Variants in CLSTN2 observed in about 807,000 individuals in gnomAD.
The protein encoded by CLSTN2 is calsyntenin 2.
Under a neutral mutation model 101.2 loss-of-function variants are expected in CLSTN2, and 48 were observed. That is an observed-to-expected ratio of 0.47 (90% CI 0.38 to 0.60). The LOEUF is 0.60. Among genes scored for constraint, CLSTN2 ranks in the 20% least tolerant of loss-of-function variants. CLSTN2 has a pLI of 0.00. For missense variants in CLSTN2, 1,160 were observed against 1,238.2 expected (o/e 0.94, Z 0.95); for synonymous variants, 481 against 463.6 (o/e 1.04, Z -0.48).
chr3:140,258,514 T>G (rs1327215759), intron 2 of CLSTN2, among the ~76,000 whole-genome samples: 1 of 152,230 alleles, frequency 6.6e-6, no homozygotes, highest in Non-Finnish European at 1.5e-5. Flanking sequence ...GCAGTGAATG[T>G]GTCACAATGA....
intron 2 of CLSTN2, among the ~76,000 whole-genome samples, chr3:140,228,329 A>G (rs2086341182): frequency 6.6e-6 from 1 of 152,196 alleles, no homozygotes; most frequent in Non-Finnish European, 1.5e-5. Flanking sequence ...AAACATAACA[A>G]GAGTCACCTT....
intron 1 of CLSTN2, among the ~76,000 whole-genome samples, chr3:139,999,023 C>T (rs2006758391): frequency 6.6e-6 from 1 of 152,004 alleles, no homozygotes; most frequent in Non-Finnish European, 1.5e-5. Context: ...TTTAATGACC[C>T]CATTATGTTT....
At chr3:140,342,267 C>T (rs995828617) in intron 2 of CLSTN2, among the ~76,000 whole-genome samples, 1 of 152,192 alleles carries the variant, frequency 6.6e-6, no homozygotes, top group African/African-American at 2.4e-5. Context: ...CGGCCCCTGC[C>T]CACTAGATGA....
intron 4 of CLSTN2, among the ~76,000 whole-genome samples, chr3:140,406,332 TG>T (rs2088301435): frequency 6.6e-6 from 1 of 152,150 alleles, no homozygotes; most frequent in Non-Finnish European, 1.5e-5. Flanking sequence ...GAATCAGTCT[TG>T]GAAGACAGAA....
intron 1 of CLSTN2, among the ~76,000 whole-genome samples, chr3:140,171,307 A>G (rs1045872841): frequency 1.3e-5 from 2 of 152,034 alleles, no homozygotes; most frequent in Non-Finnish European, 2.9e-5. Flanking sequence ...GCATGGTCCA[A>G]TCTGTAAAAA....
At chr3:140,151,036 G>A (rs1284610294) in intron 1 of CLSTN2, among the ~76,000 whole-genome samples, 3 of 151,992 alleles carry the variant, frequency 2.0e-5, no homozygotes, top group Non-Finnish European at 2.9e-5. Context: ...ACAATGGAAG[G>A]CCTGTACCTG....
chr3:140,251,414 G>A (rs2086562572), intron 2 of CLSTN2, among the ~76,000 whole-genome samples: 1 of 152,132 alleles, frequency 6.6e-6, no homozygotes, highest in Non-Finnish European at 1.5e-5. Context: ...CGCATATTTT[G>A]TGACTAAGAG....
intron 8 of CLSTN2, among the ~76,000 whole-genome samples, chr3:140,506,424 G>T (rs558585606): frequency 4.6e-5 from 7 of 152,108 alleles, no homozygotes; most frequent in Non-Finnish European, 8.8e-5. Flanking sequence ...TTATGATGCT[G>T]CCCTGGAACC....
chr3:140,273,695 G>A (rs1255220152), intron 2 of CLSTN2, among the ~76,000 whole-genome samples: 5 of 152,042 alleles, frequency 3.3e-5, no homozygotes, highest in East Asian at 3.9e-4. Context: ...GGGCCTCCTC[G>A]TCAGCCAACA....
intron 2 of CLSTN2, among the ~76,000 whole-genome samples, chr3:140,363,225 C>T (rs980964531): frequency 1.3e-5 from 2 of 152,092 alleles, no homozygotes; most frequent in East Asian, 3.8e-4. Flanking sequence ...AAGTTAATCA[C>T]AGTAGACTAC....
chr3:139,987,351 A>G (rs1936042516), intron 1 of CLSTN2, among the ~76,000 whole-genome samples: 1 of 152,228 alleles, frequency 6.6e-6, no homozygotes, highest in Admixed American at 6.5e-5. Context: ...AGAAATGGAC[A>G]AGAGCTTATA....
chr3:140,490,868 A>G (rs1261825245), intron 8 of CLSTN2, among the ~76,000 whole-genome samples: 1 of 152,184 alleles, frequency 6.6e-6, no homozygotes, highest in African/African-American at 2.4e-5. Context: ...TGAATGGCTG[A>G]TAAGAGCGGC....
At chr3:140,042,966 TAGTGCCACAATAAACATACG>T (rs2007792253) in intron 1 of CLSTN2, among the ~76,000 whole-genome samples, 1 of 152,222 alleles carries the variant, frequency 6.6e-6, no homozygotes, top group African/African-American at 2.4e-5. Context: ...CTATTGTGAA[TAGTGCCACAATAAACATACG>T]AGTGCATGTG....
chr3:140,119,266 C>T (rs1371174160), intron 1 of CLSTN2, among the ~76,000 whole-genome samples: 1 of 152,226 alleles, frequency 6.6e-6, no homozygotes, highest in Non-Finnish European at 1.5e-5. Context: ...ATCAAGTCAA[C>T]AGTCAACCAG....
chr3:140,478,594 CA>C (rs1934039335), intron 8 of CLSTN2, among the ~76,000 whole-genome samples: 1 of 152,124 alleles, frequency 6.6e-6, no homozygotes. Context: ...AAGTGGAAAT[CA>C]ACTGCAAATG....
Position 140,576,997 on chromosome 3 carries a change from G to A in CLSTN2, c.*10744G>A, listed in dbSNP as rs375618971. 6.6e-6 allele frequency: 1 copy of A among 152,130 alleles called. No homozygotes were observed. The highest frequency in any genetic ancestry group is 1.5e-5 in the Non-Finnish European group (1 of 68,034). 9.4% of individuals were successfully genotyped at this position (152,130 alleles called of 1,614,324 possible). ...GTCAACAAGGTTGCCCAGCCACAGA[G>A]GGTCAGAGAAAATGTCCTTTCCCCT... On this transcript the variant is annotated 3_prime_UTR_variant, in exon 17 of 17. Coordinates refer to ENST00000458420, the MANE Select transcript of CLSTN2 (RefSeq NM_022131.3).
chr3:139,996,904 G>A (rs570220066), intron 1 of CLSTN2, among the ~76,000 whole-genome samples: 119 of 151,860 alleles, frequency 7.8e-4, no homozygotes, highest in African/African-American at 2.3e-3. Flanking sequence ...AAAATTAGCC[G>A]GGCGTGGTGG....
At chr3:140,484,104 T>C (rs1456031186) in intron 8 of CLSTN2, among the ~76,000 whole-genome samples, 3 of 152,228 alleles carry the variant, frequency 2.0e-5, no homozygotes, top group Non-Finnish European at 2.9e-5. Flanking sequence ...CTGGTACCAG[T>C]TGTTCCTTTC....
chr3:140,077,928 T>G (rs543307453), intron 1 of CLSTN2, among the ~76,000 whole-genome samples: 9 of 152,294 alleles, frequency 5.9e-5, no homozygotes, highest in African/African-American at 1.9e-4. Flanking sequence ...TTATTAAGGC[T>G]TGAAGTTCCT....
Sources: gnomAD v4.1 joint callset for allele counts (sites outside exome capture counted in the v4.1 genomes callset) on GRCh38, gnomAD v4.1.1 for gene constraint, MANE v1.5 for transcripts, NCBI Gene and HGNC (gene_info 2026-07-23, HGNC 2026-07-21) for gene names.